KANK2: variants seen among roughly 807,000 people sequenced by gnomAD.
KANK2 encodes KN motif and ankyrin repeat domains 2.
In KANK2, 41 loss-of-function variants were observed where a neutral mutation model predicts 74.6. That is an observed-to-expected ratio of 0.55 (90% CI 0.43 to 0.71). The LOEUF (loss-of-function observed/expected upper bound fraction) is 0.71. Ranked by LOEUF, KANK2 falls within the 30% of genes least tolerant of loss-of-function variation. The pLI is 0.00. For missense variants in KANK2, 1,148 were observed against 1,196.4 expected (o/e 0.96, Z 0.60); for synonymous variants, 537 against 519.0 (o/e 1.03, Z -0.47).
chr19:11,167,869 G>T (rs1226055926), intron 12 of KANK2, among the ~76,000 whole-genome samples: 1 of 151,760 alleles, frequency 6.6e-6, no homozygotes, highest in Non-Finnish European at 1.5e-5. Context: ...CTGCCTCAGG[G>T]CCTTTGCACT....
chr19:11,171,231 T>C (rs1324379613), intron 10 of KANK2, among the ~76,000 whole-genome samples: 5 of 151,950 alleles, frequency 3.3e-5, no homozygotes, highest in Non-Finnish European at 7.4e-5. Flanking sequence ...ACCATGTCTC[T>C]AGTAAAAAAT....
chr19:11,191,330 C>T (rs879334324), intron 4 of KANK2, among the ~76,000 whole-genome samples: 2 of 152,230 alleles, frequency 1.3e-5, no homozygotes, highest in East Asian at 1.9e-4. Flanking sequence ...TGAGCCACTG[C>T]GCCCGGCCCA....
In KANK2 at chr19:11,178,689, C is replaced by T. The variant is rs758647445; in HGVS notation, c.1281G>A (p.Ser427=). The part of the protein sequence containing the change: ...GLPEVPAESS[S]SPPGSEVASL... ...AGGCTACCTCGGACCCCGGGGGTGA[C>T]GAAGACGATTCGGCAGGAACTTCTG... The change falls in exon 5 of 13, where the codon TCG becomes TCA. Residue 427 remains serine (S), a synonymous_variant. Coordinates refer to ENST00000586659, the MANE Select transcript of KANK2 (RefSeq NM_001136191.3). 9 of 1,536,908 alleles carry T rather than the reference C, an allele frequency of 5.9e-6. No individual in the cohort carries two copies. Among genetic ancestry groups the T allele is most frequent in the African/African-American group, 2.9e-5 (2 of 70,100 alleles).
intron 10 of KANK2, among the ~76,000 whole-genome samples, chr19:11,171,303 C>T (rs765546872): frequency 8.6e-5 from 13 of 151,850 alleles, no homozygotes; most frequent in African/African-American, 1.2e-4. Context: ...AAAAATTAGC[C>T]GGGCATGGTG....
At chr19:11,166,643 G>A in intron 12 of KANK2, 32 bp from the exon 13 acceptor site, 1 of 1,611,190 alleles carries the variant, frequency 6.2e-7, no homozygotes, top group Non-Finnish European at 8.5e-7. Flanking sequence ...CTTTTTGTTT[G>A]GGATCCTTTC....
chr19:11,169,628 C>T (rs1453668431), intron 12 of KANK2: 1 of 580,228 alleles, frequency 1.7e-6, no homozygotes, highest in African/African-American at 1.9e-5. Flanking sequence ...TGGTGAAACC[C>T]CGTCTCTACT....
chr19:11,195,784 TCCACGTCTCTGTCTTC>T lies in KANK2; in HGVS notation c.-258_-243del, dbSNP rs2079001732. The stretch of plus-strand genomic sequence containing the variant: ...CTCTCCGTGTCTCTCTCCCTGTCTT[TCCACGTCTCTGTCTTC>T]GCTTCTCTGTCTTTCAACACCTGGA... On this transcript the variant is annotated 5_prime_UTR_variant, in exon 2 of 13. Transcript: ENST00000586659. The T allele has an allele frequency of 6.6e-6, 1 of 152,390 alleles. No homozygotes were observed. Among genetic ancestry groups the T allele is most frequent in the African/African-American group, 2.4e-5 (1 of 41,452 alleles). 9.4% of individuals were successfully genotyped at this position (152,390 alleles called of 1,614,324 possible). A position where few individuals can be genotyped will look rare whatever the true frequency, so the allele number is the denominator to read the frequency against.
chr19:11,179,003 C>G (rs985401408), intron 4 of KANK2, among the ~76,000 whole-genome samples: 2 of 152,112 alleles, frequency 1.3e-5, no homozygotes, highest in African/African-American at 4.8e-5. Flanking sequence ...ATTCCTGGCT[C>G]GAGCCTGAGT....
At chr19:11,167,314 C>G (rs1263356055) in intron 12 of KANK2, among the ~76,000 whole-genome samples, 1 of 152,078 alleles carries the variant, frequency 6.6e-6, no homozygotes. Flanking sequence ...ATCCGCCCAT[C>G]TTGGCCTCCC....
At chr19:11,176,094 G>T in intron 7 of KANK2, 105 bp from the exon 8 acceptor site, 1 of 827,698 alleles carries the variant, frequency 1.2e-6, no homozygotes. Flanking sequence ...TCACCTGAAT[G>T]GTGGCATCTC....
rs2078420682 is a variant in KANK2, at chr19:11,178,613, TGGG to T, written c.1354_1356del (p.Pro452del). ...GCTTGCCTGGTGGGCTCCCTGTGGGTGGGCTCCTGGGTGGGCACTCGGCCTGTG... is the reference window on the plus strand; with the variant it reads ...GCTTGCCTGGTGGGCTCCCTGTGGGTCTCCTGGGTGGGCACTCGGCCTGTG... On this transcript the variant is annotated inframe_deletion, in exon 5 of 13. Transcript: ENST00000586659. The T allele has an allele frequency of 6.2e-7, 1 of 1,600,356 alleles. No individual in the cohort carries two copies. Among genetic ancestry groups the T allele is most frequent in the African/African-American group, 1.4e-5 (1 of 73,840 alleles).
Position 11,195,249 on chromosome 19 carries a change from G to A in KANK2, c.-80+373C>T, listed in dbSNP as rs144122003. 5.8e-3 allele frequency: 888 copies of A among 152,260 alleles called. 8 individuals carry two copies. Among genetic ancestry groups the A allele is most frequent in the African/African-American group, 0.02 (847 of 41,536 alleles). 9.4% of individuals were successfully genotyped at this position (152,260 alleles called of 1,614,324 possible). A position where few individuals can be genotyped will look rare whatever the true frequency, so the allele number is the denominator to read the frequency against. ...AGAACTTCCTGCCCGCCTAGGATGC[G>A]TCCGGGCCCAGGGGCGCAGTAGGGA... On this transcript the variant is annotated intron_variant, in intron 2 of 12. Transcript: ENST00000586659.
chr19:11,189,098 T>TCCC (rs71297565), intron 4 of KANK2, among the ~76,000 whole-genome samples: 22 of 126,474 alleles, frequency 1.7e-4, no homozygotes, highest in Admixed American at 2.8e-4. Flanking sequence ...ATTGATTCTC[T>TCCC]CCCCCCCCAC....
At chr19:11,173,967 C>A (rs1224367374) in intron 9 of KANK2, among the ~76,000 whole-genome samples, 3 of 151,864 alleles carry the variant, frequency 2.0e-5, no homozygotes. Flanking sequence ...CAGGTGGTGT[C>A]TCCTCCATCA....
chr19:11,173,042 T>C lies in KANK2; in HGVS notation c.2150A>G (p.Asp717Gly), dbSNP rs148739151. ...GAGCTGAAGGACAGTCTCGATGTCG[T>C]CCTGGGTCTTCAGGGTGGCCAGGGC... ...LTALATLKTQ[D>G]DIETVLQLFR... Residue 717 changes from aspartate (D) to glycine (G), a missense_variant, in exon 10 of 13, where the codon GAC (aspartate) becomes GGC (glycine). Asp to Gly is a moderately conservative substitution (Grantham distance 94). Coordinates refer to ENST00000586659, the MANE Select transcript of KANK2 (RefSeq NM_001136191.3). 5.0e-6 allele frequency: 8 copies of C among 1,614,106 alleles called. No homozygotes were observed. The highest frequency in any genetic ancestry group is 6.8e-6 in the Non-Finnish European group (8 of 1,180,002).
At chr19:11,172,101 G>A (rs1485219724) in intron 10 of KANK2, among the ~76,000 whole-genome samples, 4 of 150,484 alleles carry the variant, frequency 2.7e-5, no homozygotes, top group African/African-American at 9.8e-5. Flanking sequence ...TCAGCCTCCC[G>A]AGTGGCTGGG....
At chr19:11,180,240 C>T (rs549048993) in intron 4 of KANK2, among the ~76,000 whole-genome samples, 1 of 152,238 alleles carries the variant, frequency 6.6e-6, no homozygotes, top group East Asian at 1.9e-4. Context: ...ATTTGAATTC[C>T]CTTTAATGGC....
Position 11,174,687 on chromosome 19 carries a change from C to A in KANK2, c.1854G>T (p.Val618=). The change falls in exon 9 of 13, where the codon GTG becomes GTT. Residue 618 remains valine (V), a synonymous_variant. Transcript: ENST00000586659. ...PNALTERELK[V]AYTTVLQEWL... ...ACTCCTGCAGCACTGTGGTGTAGGC[C>A]ACTTTCTGCATGCGAGTCAGGTGGG... 6.3e-7 allele frequency: 1 copy of A among 1,598,790 alleles called. No homozygotes were observed. Among genetic ancestry groups the A allele is most frequent in the Non-Finnish European group, 8.5e-7 (1 of 1,172,636 alleles).
intron 4 of KANK2, among the ~76,000 whole-genome samples, chr19:11,181,935 TGAGACGGAGTCTTGC>T (rs2078531498): frequency 1.3e-5 from 2 of 150,880 alleles, no homozygotes; most frequent in Admixed American, 1.3e-4. Flanking sequence ...TTTTTTTTTT[TGAGACGGAGTCTTGC>T]TTTGTCATCC....
Sources: gnomAD v4.1 joint callset for allele counts (sites outside exome capture counted in the v4.1 genomes callset) on GRCh38, gnomAD v4.1.1 for gene constraint, MANE v1.5 for transcripts, NCBI Gene and HGNC (gene_info 2026-07-23, HGNC 2026-07-21) for gene names.